The following WDR44 variants were observed in gnomAD, a reference collection of about 807,000 sequenced individuals.
The protein encoded by WDR44 is WD repeat domain 44.
Under a neutral mutation model 65.7 loss-of-function variants are expected in WDR44, and 9 were observed. The ratio of observed to expected loss-of-function variants is 0.14; its 90% CI spans 0.08 to 0.24. The LOEUF is 0.24. WDR44 is among the 10% of genes least tolerant of loss of function. WDR44 has a pLI of 1.00. For synonymous variants in WDR44, 220 were observed against 235.2 expected (o/e 0.94, Z 0.59); for missense variants, 425 against 670.9 (o/e 0.63, Z 4.05).
chrX:118,425,874 A>G lies in WDR44; in HGVS notation c.1738-6907A>G, dbSNP rs757156609. On this transcript the variant is annotated intron_variant, in intron 12 of 19. Transcript: ENST00000254029. The stretch of plus-strand genomic sequence containing the variant: ...GATCACCTGAAGTCAGGAGTTAGAG[A>G]CCTGCCTGGCCAACATGGTGAAACC... Among the ~76,000 whole-genome samples the G allele has an allele frequency of 6.3e-5, 7 of 110,790 alleles. No individual in the cohort carries two copies. The East Asian group carries it at 2.0e-3, about 32-fold the overall frequency.
At chrX:118,347,850 G>C (rs2056366493) in intron 1 of WDR44, among the ~76,000 whole-genome samples, 1 of 112,526 alleles carries the variant, frequency 8.9e-6, no homozygotes, top group African/African-American at 3.2e-5. Context: ...GGCCAATCTT[G>C]AGATGACACC....
At chrX:118,378,760 A>C (rs1050030719) in intron 2 of WDR44, among the ~76,000 whole-genome samples, 1 of 101,511 alleles carries the variant, frequency 9.9e-6, no homozygotes, top group Admixed American at 1.2e-4. Context: ...TTGGCCAGGC[A>C]TGGTGGCTCA....
At chrX:118,412,901 C>T (rs186852940) in intron 12 of WDR44, among the ~76,000 whole-genome samples, 2 of 111,328 alleles carry the variant, frequency 1.8e-5, no homozygotes, top group East Asian at 2.8e-4. Context: ...TACATCTTTG[C>T]GTCCTCATAG....
chrX:118,394,022 T>C, intron 4 of WDR44, 33 bp from the exon 5 acceptor site: 1 of 1,153,536 alleles, frequency 8.7e-7, no homozygotes, highest in Non-Finnish European at 1.2e-6. Flanking sequence ...ACAAAAAGGG[T>C]TGTTATTATT....
rs781170620 is a variant in WDR44, at chrX:118,442,340, A to G, written c.2263A>G (p.Asn755Asp). Residue 755 changes from asparagine to aspartate, a missense_variant, in exon 16 of 20, where the codon AAT becomes GAT. Asn to Asp is a conservative substitution (Grantham distance 23, BLOSUM62 1). This residue lies in a region of WDR44 where 73 missense variants were observed against 187.4 expected (regional missense o/e 0.39). Coordinates refer to ENST00000254029, the MANE Select transcript of WDR44 (RefSeq NM_019045.5). ...TGGCATTGAGCCTTTACCTGGAGAAAATAAGGTACTACAGTATTCAAAACC... is the reference window on the plus strand; with the variant it reads ...TGGCATTGAGCCTTTACCTGGAGAAGATAAGGTACTACAGTATTCAAAACC... The part of the protein sequence containing the change: ...ITGIEPLPGE[N>D]KILVTSNDSR... 1 of 1,188,929 alleles carries G rather than the reference A, an allele frequency of 8.4e-7. No individual in the cohort carries two copies. Among genetic ancestry groups the G allele is most frequent in the African/African-American group, 1.8e-5 (1 of 57,007 alleles).
chrX:118,410,513 C>T (rs745886490), intron 11 of WDR44, among the ~76,000 whole-genome samples: 2 of 111,575 alleles, frequency 1.8e-5, no homozygotes, highest in Non-Finnish European at 3.8e-5. Context: ...ATTTCTTTTA[C>T]TGCCCTGCCA....
chrX:118,359,380 T>A (rs911556009), intron 1 of WDR44, among the ~76,000 whole-genome samples: 2 of 112,426 alleles, frequency 1.8e-5, no homozygotes, highest in African/African-American at 6.5e-5. Flanking sequence ...TGGTTGTGAA[T>A]GTGCAGAATA....
At chrX:118,352,348 ATATATTTTTT>A (rs1415461521) in intron 1 of WDR44, among the ~76,000 whole-genome samples, 20 of 23,330 alleles carry the variant, frequency 8.6e-4, no homozygotes, top group African/African-American at 7.2e-3. Flanking sequence ...ATATATATAT[ATATATTTTTT>A]TTTTTTTTTT....
rs1569362857 is a variant in WDR44, at chrX:118,378,736, T to TGTGTGTGTGTG, written c.111+285_111+286insTGTGTGTGTGG. ...TGTGTGTGTGTGTGTGTGTGTGTGT[T>TGTGTGTGTGTG]GAAAAAGTGATACTTGGCCAGGCAT... is the stretch of plus-strand genomic sequence containing the variant. On this transcript the variant is annotated intron_variant, in intron 2 of 19. Transcript: ENST00000254029. 7.0e-3 allele frequency among the ~76,000 whole-genome samples: 427 copies of TGTGTGTGTGTG among 61,035 alleles called. 2 individuals carry two copies. Among genetic ancestry groups the TGTGTGTGTGTG allele is most frequent in the African/African-American group, 0.059 (403 of 6,849 alleles). The allele number at this position is 61,035 out of a possible 115,157, so 53.0% of individuals were successfully genotyped here.
chrX:118,359,380 T>G (rs911556009), intron 1 of WDR44, among the ~76,000 whole-genome samples: 1 of 112,426 alleles, frequency 8.9e-6, no homozygotes, highest in African/African-American at 3.2e-5. Flanking sequence ...TGGTTGTGAA[T>G]GTGCAGAATA....
chrX:118,445,781 G>A (rs1229985280), intron 19 of WDR44, among the ~76,000 whole-genome samples: 1 of 112,026 alleles, frequency 8.9e-6, no homozygotes, highest in Non-Finnish European at 1.9e-5. Flanking sequence ...TGTAATCCCA[G>A]CACTTTGGGA....
intron 10 of WDR44, among the ~76,000 whole-genome samples, chrX:118,408,514 C>T: frequency 9.0e-6 from 1 of 110,757 alleles, no homozygotes; most frequent in Non-Finnish European, 1.9e-5. Context: ...CCTCCCTCCT[C>T]AGCCTCCTGA....
rs765761577 is a variant in WDR44 at position 118,395,319 on chromosome X, A to G, written c.1028A>G (p.Asn343Ser). The change falls in exon 6 of 20, where the codon AAC becomes AGC. Residue 343 changes from asparagine to serine, a missense_variant. Transcript: ENST00000254029. Reference protein sequence around the residue: ...EVMGPQRPRSNSGRELTDEEI... With the variant: ...EVMGPQRPRSSSGRELTDEEI... ...ATGGGCCCTCAGAGACCTAGATCCA[A>G]CTCTGGGAGAGAGCTTACTGATGAG... 7 of 1,208,882 alleles carry G rather than the reference A, an allele frequency of 5.8e-6. No homozygotes were observed. The East Asian group carries it at 2.1e-4, about 36-fold the overall frequency.
chrX:118,434,290 G>A (rs557554645), intron 13 of WDR44, among the ~76,000 whole-genome samples: 4 of 111,276 alleles, frequency 3.6e-5, no homozygotes, highest in African/African-American at 9.8e-5. Context: ...TAAACCACCT[G>A]GTCTTCCTGG....
intron 1 of WDR44, among the ~76,000 whole-genome samples, chrX:118,348,184 G>A (rs1049676027): frequency 8.9e-6 from 1 of 112,061 alleles, no homozygotes; most frequent in African/African-American, 3.2e-5. Context: ...TGTGTAAACT[G>A]TCTAGTCCAG....
intron 12 of WDR44, among the ~76,000 whole-genome samples, chrX:118,422,479 G>A (rs771804543): frequency 3.2e-4 from 35 of 110,662 alleles, no homozygotes; most frequent in African/African-American, 1.1e-3. Flanking sequence ...ATCACCTGAG[G>A]TCAAGTGTTC....
chrX:118,387,303 C>T, intron 2 of WDR44, 37 bp from the exon 3 acceptor site: 1 of 996,206 alleles, frequency 1.0e-6, no homozygotes, highest in Non-Finnish European at 1.4e-6. Flanking sequence ...GAAAAGATGT[C>T]ATCATTTGGT....
chrX:118,380,537 T>C (rs2056705234), intron 2 of WDR44, among the ~76,000 whole-genome samples: 1 of 112,060 alleles, frequency 8.9e-6, no homozygotes, highest in Non-Finnish European at 1.9e-5. Context: ...TCTGTATCAA[T>C]GGTTTGTTTC....
intron 3 of WDR44, among the ~76,000 whole-genome samples, chrX:118,392,374 G>A (rs1464227993): frequency 8.9e-6 from 1 of 112,054 alleles, no homozygotes; most frequent in East Asian, 2.8e-4. Context: ...TATAGATGCT[G>A]GAATCAAACT....
Sources: allele counts gnomAD v4.1 joint callset (sites outside exome capture counted in the v4.1 genomes callset), GRCh38; gene constraint gnomAD v4.1.1; regional missense constraint gnomAD v4.1.1; transcripts MANE v1.5; gene names NCBI Gene and HGNC (gene_info 2026-07-23, HGNC 2026-07-21).